Variants in FOXP1 observed in about 807,000 individuals in gnomAD.
The protein encoded by FOXP1 is forkhead box P1, also known as forkhead box protein P1.
FOXP1 carries 15 observed loss-of-function variants against 98.2 expected under a neutral mutation model. The observed-to-expected ratio is 0.15, with a 90% CI of 0.10 to 0.24. The LOEUF (loss-of-function observed/expected upper bound fraction) is 0.24, where lower values mean the gene tolerates loss of function less well. FOXP1 is among the 10% of genes least tolerant of loss of function. The pLI is 1.00. For synonymous variants in FOXP1, 371 were observed against 314.5 expected (o/e 1.18, Z -1.90); for missense variants, 633 against 848.5 (o/e 0.75, Z 3.15).
rs1348187295 is a variant in FOXP1 at position 71,198,323 on chromosome 3, G to C, written c.59C>G (p.Ser20Trp). ...CTCTAGTAAGTGGTTGCTGCCGCCC[G>C]ACCCATTCTGGATGGCTGAACCGTT... is the stretch of plus-strand genomic sequence containing the variant. ...KSNGSAIQNG[S>W]GGSNHLLECG... Residue 20 changes from serine (S) to tryptophan (W), a missense_variant, in exon 6 of 21, where the codon TCG becomes TGG. Physicochemically the swap from Ser to Trp is radical, Grantham distance 177. Coordinates refer to ENST00000649528, the MANE Select transcript of FOXP1 (RefSeq NM_001349338.3). The C allele has an allele frequency of 6.2e-7, 1 of 1,609,514 alleles. No homozygotes were observed. The highest frequency in any genetic ancestry group is 8.5e-7 in the Non-Finnish European group (1 of 1,178,874).
chr3:70,980,891 TTTTCAG>T (rs1232302985), intron 14 of FOXP1, among the ~76,000 whole-genome samples: 6 of 152,190 alleles, frequency 3.9e-5, no homozygotes, highest in Non-Finnish European at 5.9e-5. Flanking sequence ...TCGGCTTCTC[TTTTCAG>T]TTTAAGAACT....
At chr3:71,297,390 G>T (rs943701841) in intron 5 of FOXP1, among the ~76,000 whole-genome samples, 4 of 151,378 alleles carry the variant, frequency 2.6e-5, no homozygotes, top group African/African-American at 9.7e-5. Flanking sequence ...TTTGGGGTGG[G>T]GTGGGGACTG....
At chr3:71,099,694 C>T (rs2056790262) in intron 7 of FOXP1, among the ~76,000 whole-genome samples, 1 of 152,118 alleles carries the variant, frequency 6.6e-6, no homozygotes, top group Non-Finnish European at 1.5e-5. Context: ...CAAGGTCACA[C>T]AGGATTAAAG....
intron 7 of FOXP1, among the ~76,000 whole-genome samples, chr3:71,071,968 C>T (rs1263887814): frequency 2.6e-5 from 4 of 152,144 alleles, no homozygotes; most frequent in Non-Finnish European, 5.9e-5. Flanking sequence ...GCACATTTTA[C>T]ATTAGCAAAG....
intron 19 of FOXP1, chr3:70,969,228 A>G (rs1009868075): frequency 3.3e-5 from 5 of 151,874 alleles, no homozygotes; most frequent in Non-Finnish European, 5.9e-5. Context: ...ACTTCACAAG[A>G]CTCCAGGGAA....
At chr3:71,522,871 T>G (rs921153433) in intron 2 of FOXP1, among the ~76,000 whole-genome samples, 1 of 152,120 alleles carries the variant, frequency 6.6e-6, no homozygotes, top group African/African-American at 2.4e-5. Flanking sequence ...CCTTTCAAAT[T>G]CCCACAGATT....
At chr3:71,559,441 G>A (rs1046399072) in intron 2 of FOXP1, among the ~76,000 whole-genome samples, 10 of 152,136 alleles carry the variant, frequency 6.6e-5, no homozygotes, top group African/African-American at 2.4e-4. Context: ...CTGCAGTCTA[G>A]ATAAAAGTGA....
intron 5 of FOXP1, among the ~76,000 whole-genome samples, chr3:71,265,170 T>C (rs1027597903): frequency 1.3e-5 from 2 of 152,184 alleles, no homozygotes; most frequent in Non-Finnish European, 2.9e-5. Context: ...TTCTTTTCTC[T>C]CTCAAGAAAT....
At chr3:71,457,263 G>T (rs2087592711) in intron 3 of FOXP1, among the ~76,000 whole-genome samples, 1 of 152,102 alleles carries the variant, frequency 6.6e-6, no homozygotes, top group African/African-American at 2.4e-5. Flanking sequence ...CAAACCTAAT[G>T]AATTTATGCA....
intron 6 of FOXP1, among the ~76,000 whole-genome samples, chr3:71,178,830 G>A (rs145608473): frequency 0.16 from 24,146 of 151,400 alleles, 2,404 homozygotes; most frequent in African/African-American, 0.28. Context: ...CTTGCAGTGA[G>A]CCAAGATCGC....
chr3:71,032,014 G>C (rs778063836), intron 11 of FOXP1, among the ~76,000 whole-genome samples: 1 of 152,220 alleles, frequency 6.6e-6, no homozygotes, highest in Admixed American at 6.5e-5. Context: ...TCTCTTCTTG[G>C]TTGAGAGAGT....
chr3:71,418,743 C>T (rs2083403817), intron 3 of FOXP1, among the ~76,000 whole-genome samples: 1 of 152,044 alleles, frequency 6.6e-6, no homozygotes, highest in African/African-American at 2.4e-5. Context: ...AATATTTTGT[C>T]CAGTTAGCCA....
At position 71,478,419 on chromosome 3, in the gene FOXP1, T is replaced by C. The variant is rs781057575; in HGVS notation, c.-168+15007A>G. 4.6e-5 allele frequency among the ~76,000 whole-genome samples: 7 copies of C among 152,266 alleles called. 1 individual carries two copies. The Middle Eastern group carries it at 0.01, about 222-fold the overall frequency. ...CACCATGAACTCTCTCTTGTGAAGTTTGCCAAGTAGAAATGGGTACAACTA... is the reference window on the plus strand; with the variant it reads ...CACCATGAACTCTCTCTTGTGAAGTCTGCCAAGTAGAAATGGGTACAACTA... On this transcript the variant is annotated intron_variant, in intron 3 of 20. Coordinates refer to ENST00000649528, the MANE Select transcript of FOXP1 (RefSeq NM_001349338.3).
chr3:71,366,158 T>C (rs950655711), intron 3 of FOXP1, among the ~76,000 whole-genome samples: 2 of 152,162 alleles, frequency 1.3e-5, no homozygotes, highest in Non-Finnish European at 2.9e-5. Context: ...TCGTTGTGGA[T>C]GGCAAAGCTC....
intron 6 of FOXP1, chr3:71,197,781 T>C (rs1031271251): frequency 8.7e-7 from 1 of 1,151,874 alleles, no homozygotes; most frequent in South Asian, 1.4e-5. Flanking sequence ...ACTCATCTAC[T>C]CTTTTTCTCT....
At chr3:71,077,904 C>T (rs530681716) in intron 7 of FOXP1, among the ~76,000 whole-genome samples, 1 of 151,674 alleles carries the variant, frequency 6.6e-6, no homozygotes, top group East Asian at 1.9e-4. Flanking sequence ...GTGATCTCGG[C>T]TCACCGCAAC....
chr3:71,277,125 A>AT (rs1345343689), intron 5 of FOXP1, among the ~76,000 whole-genome samples: 4 of 151,446 alleles, frequency 2.6e-5, no homozygotes, highest in African/African-American at 4.9e-5. Flanking sequence ...CGCCCAGCTA[A>AT]TTTTTTGTAT....
At chr3:71,252,300 A>C (rs2068264767) in intron 5 of FOXP1, among the ~76,000 whole-genome samples, 1 of 152,160 alleles carries the variant, frequency 6.6e-6, no homozygotes, top group African/African-American at 2.4e-5. Context: ...ATGCCAAACC[A>C]ATCCTGGCAC....
chr3:71,279,668 C>T (rs1158449791), intron 5 of FOXP1, among the ~76,000 whole-genome samples: 3 of 151,936 alleles, frequency 2.0e-5, no homozygotes, highest in East Asian at 3.9e-4. Flanking sequence ...AGATAAACTG[C>T]GATATATTTA....
Sources: allele counts gnomAD v4.1 joint callset (sites outside exome capture counted in the v4.1 genomes callset), GRCh38; gene constraint gnomAD v4.1.1; transcripts MANE v1.5; gene names NCBI Gene and HGNC (gene_info 2026-07-23, HGNC 2026-07-21).